Variants in GNAL observed in about 807,000 individuals in gnomAD.
GNAL encodes guanine nucleotide-binding protein G(olf) subunit alpha.
Under a neutral mutation model 55.1 loss-of-function variants are expected in GNAL, and 18 were observed. That is an observed-to-expected ratio of 0.33 (90% CI 0.23 to 0.48). GNAL has a LOEUF of 0.48. Ranked by LOEUF, GNAL falls within the 20% of genes least tolerant of loss-of-function variation. The pLI is 0.99. For missense variants in GNAL, 412 were observed against 614.1 expected (o/e 0.67, Z 3.48); for synonymous variants, 253 against 237.0 (o/e 1.07, Z -0.62).
At chr18:11,724,655 T>C (rs1333737297) in intron 1 of GNAL, among the ~76,000 whole-genome samples, 1 of 152,196 alleles carries the variant, frequency 6.6e-6, no homozygotes, top group Non-Finnish European at 1.5e-5. Flanking sequence ...TGCATATAAC[T>C]TCCTGGTGCC....
intron 11 of GNAL, among the ~76,000 whole-genome samples, chr18:11,879,992 C>T (rs2036626496): frequency 6.6e-6 from 1 of 152,232 alleles, no homozygotes; most frequent in Non-Finnish European, 1.5e-5. Flanking sequence ...GGCGCGGTGG[C>T]TCACGCCTGT....
Position 11,884,414 on chromosome 18 carries a change from G to C in GNAL, c.*3279G>C. On this transcript the variant is annotated 3_prime_UTR_variant, in exon 12 of 12. Transcript: ENST00000334049. ...ATCTCTGCCCAAAGTTCCATTTCTTGGGCTTTGATATTTATAATGGCGCCT... is the reference window on the plus strand; with the variant it reads ...ATCTCTGCCCAAAGTTCCATTTCTTCGGCTTTGATATTTATAATGGCGCCT... The C allele has an allele frequency of 6.2e-7, 1 of 1,601,828 alleles. No homozygotes were observed. Among genetic ancestry groups the C allele is most frequent in the Non-Finnish European group, 8.5e-7 (1 of 1,171,184 alleles).
intron 4 of GNAL, among the ~76,000 whole-genome samples, chr18:11,806,646 A>G (rs1322160721): frequency 1.3e-5 from 2 of 152,070 alleles, no homozygotes; most frequent in African/African-American, 2.4e-5. Flanking sequence ...TGATATTCAC[A>G]TAGACGTCCT....
chr18:11,717,889 C>T (rs540233891), intron 1 of GNAL, among the ~76,000 whole-genome samples: 1 of 152,200 alleles, frequency 6.6e-6, no homozygotes, highest in South Asian at 2.1e-4. Flanking sequence ...AACCTCAAGA[C>T]ACAAGTTTGC....
chr18:11,693,942 T>C (rs373227168), intron 1 of GNAL, among the ~76,000 whole-genome samples: 1 of 148,058 alleles, frequency 6.8e-6, no homozygotes, highest in East Asian at 2.0e-4. Flanking sequence ...AGCCTGGACC[T>C]CCCCAGCTCA....
At chr18:11,858,937 G>A (rs771463237) in intron 5 of GNAL, among the ~76,000 whole-genome samples, 18 of 152,156 alleles carry the variant, frequency 1.2e-4, no homozygotes, top group Non-Finnish European at 2.4e-4. Context: ...GTCTTTCATA[G>A]TGCACAGGAA....
chr18:11,808,680 A>G (rs373311160), intron 4 of GNAL, among the ~76,000 whole-genome samples: 160 of 152,352 alleles, frequency 1.1e-3, no homozygotes, highest in African/African-American at 3.6e-3. Flanking sequence ...AACATACATC[A>G]AGACTAAAAC....
At chr18:11,880,566 C>G (rs2036655358) in intron 11 of GNAL, among the ~76,000 whole-genome samples, 1 of 151,838 alleles carries the variant, frequency 6.6e-6, no homozygotes, top group South Asian at 2.1e-4. Context: ...CAGAGCTAGA[C>G]TCAGTCTCAA....
At chr18:11,864,086 C>CTTTTTTTTTTT (rs3981355) in intron 6 of GNAL, among the ~76,000 whole-genome samples, 1 of 129,060 alleles carries the variant, frequency 7.7e-6, no homozygotes, top group African/African-American at 3.0e-5. Flanking sequence ...CGTCTGAGTT[C>CTTTTTTTTTTT]TTTTTTTTTT....
At chr18:11,820,471 TTA>T (rs760479581) in intron 4 of GNAL, among the ~76,000 whole-genome samples, 1 of 152,230 alleles carries the variant, frequency 6.6e-6, no homozygotes, top group Non-Finnish European at 1.5e-5. Flanking sequence ...TTAAAAGTCT[TTA>T]TGTTTTAGAA....
At chr18:11,836,280 CTA>C (rs938338955) in intron 5 of GNAL, among the ~76,000 whole-genome samples, 2 of 151,972 alleles carry the variant, frequency 1.3e-5, no homozygotes, top group African/African-American at 4.8e-5. Context: ...AACCCTGTCT[CTA>C]TTAAAAATAC....
At chr18:11,876,419 T>C (rs975241936) in intron 10 of GNAL, among the ~76,000 whole-genome samples, 1 of 142,836 alleles carries the variant, frequency 7.0e-6, no homozygotes, top group Non-Finnish European at 1.5e-5. Flanking sequence ...GCCGAGATCA[T>C]GCCACTGCAC....
rs536698792 is a variant in GNAL, at chr18:11,776,133, G to A, written c.624+22188G>A. ...GCCTCTTTGCTCAATATGACCTTGC[G>A]AGTTTCCAGTGCAAATCTGACTCTG... On this transcript the variant is annotated intron_variant, in intron 4 of 11. Transcript: ENST00000334049. Among the ~76,000 whole-genome samples, 6 of 152,264 alleles carry A rather than the reference G, an allele frequency of 3.9e-5. No individual in the cohort carries two copies. The East Asian group carries it at 7.7e-4, about 20-fold the overall frequency.
intron 4 of GNAL, 144 bp downstream of exon 4, chr18:11,754,089 T>G (rs774230290): frequency 3.6e-4 from 246 of 675,552 alleles, no homozygotes; most frequent in Non-Finnish European, 5.4e-4. Flanking sequence ...GAGGAATACT[T>G]ATTCTGTACC....
intron 5 of GNAL, among the ~76,000 whole-genome samples, chr18:11,828,578 G>T (rs933676837): frequency 2.0e-5 from 3 of 151,732 alleles, no homozygotes; most frequent in Admixed American, 2.0e-4. Flanking sequence ...TCCTTTTTCA[G>T]TATTTCAGTA....
intron 10 of GNAL, among the ~76,000 whole-genome samples, chr18:11,873,561 G>A (rs906006923): frequency 9.9e-5 from 15 of 152,212 alleles, no homozygotes; most frequent in Non-Finnish European, 1.6e-4. Context: ...CTCCGCACCC[G>A]CCAGAGGGTC....
intron 1 of GNAL, among the ~76,000 whole-genome samples, chr18:11,721,803 T>C (rs1426923691): frequency 1.3e-5 from 2 of 151,872 alleles, no homozygotes; most frequent in African/African-American, 4.8e-5. Context: ...CACCTTGGCC[T>C]TGAACCCTGG....
At chr18:11,740,075 G>T (rs78083729) in intron 1 of GNAL, among the ~76,000 whole-genome samples, 6,673 of 151,748 alleles carry the variant, frequency 0.044, 230 homozygotes, top group African/African-American at 0.093. Context: ...TTCTATTTAT[G>T]TATTTATTTA....
chr18:11,803,597 T>C (rs1157140419), intron 4 of GNAL, among the ~76,000 whole-genome samples: 4 of 151,920 alleles, frequency 2.6e-5, no homozygotes, highest in South Asian at 2.1e-4. Context: ...CATGGAGATA[T>C]TGTGTAGTGG....
Sources: allele counts gnomAD v4.1 joint callset (sites outside exome capture counted in the v4.1 genomes callset), GRCh38; gene constraint gnomAD v4.1.1; transcripts MANE v1.5; gene names NCBI Gene and HGNC (gene_info 2026-07-23, HGNC 2026-07-21).